Variants in CCSER1 observed in about 807,000 individuals in gnomAD.
The protein encoded by CCSER1 is coiled-coil serine rich protein 1, also known as serine-rich coiled-coil domain-containing protein 1.
In CCSER1, 41 loss-of-function variants were observed where a neutral mutation model predicts 82.0. That is an observed-to-expected ratio of 0.50 (90% CI 0.39 to 0.65). The LOEUF (loss-of-function observed/expected upper bound fraction) is 0.65. Ranked by LOEUF, CCSER1 falls within the 30% of genes least tolerant of loss-of-function variation. CCSER1 has a pLI of 0.00. For synonymous variants in CCSER1, 414 were observed against 383.9 expected, an observed-to-expected ratio of 1.08 and a Z score of -0.92; for missense variants, 1,119 against 1,064.2, an observed-to-expected ratio of 1.05 and a Z score of -0.72.
At chr4:90,845,588 A>G (rs1427795348) in intron 8 of CCSER1, among the ~76,000 whole-genome samples, 2 of 152,138 alleles carry the variant, frequency 1.3e-5, no homozygotes, top group Non-Finnish European at 2.9e-5. Flanking sequence ...TGCATATGAC[A>G]GAGGAACTGT....
intron 3 of CCSER1, among the ~76,000 whole-genome samples, chr4:90,335,597 A>G (rs868393346): frequency 1.3e-5 from 2 of 152,180 alleles, no homozygotes; most frequent in Non-Finnish European, 2.9e-5. Flanking sequence ...ATGAAAGCAA[A>G]TATTTGTTCC....
At chr4:90,497,641 T>C (rs906025261) in intron 5 of CCSER1, among the ~76,000 whole-genome samples, 3 of 152,144 alleles carry the variant, frequency 2.0e-5, no homozygotes, top group Non-Finnish European at 4.4e-5. Flanking sequence ...GATAATAACC[T>C]AGAAATTGAA....
intron 5 of CCSER1, among the ~76,000 whole-genome samples, chr4:90,582,392 G>A (rs117806512): frequency 1.3e-5 from 2 of 152,150 alleles, no homozygotes; most frequent in East Asian, 1.9e-4. Flanking sequence ...ATATTAGTTA[G>A]GAACTCTTTA....
At chr4:90,278,817 CCT>C (rs1302586770) in intron 1 of CCSER1, among the ~76,000 whole-genome samples, 3 of 152,092 alleles carry the variant, frequency 2.0e-5, no homozygotes, top group East Asian at 1.9e-4. Context: ...ACATATACCC[CCT>C]GATTCTAAAA....
At chr4:90,248,936 A>G (rs1367370923) in intron 1 of CCSER1, among the ~76,000 whole-genome samples, 1 of 151,942 alleles carries the variant, frequency 6.6e-6, no homozygotes, top group Non-Finnish European at 1.5e-5. Flanking sequence ...CTAATCTCAG[A>G]CGATCCGCCT....
chr4:91,505,799 T>C (rs770195887), intron 10 of CCSER1, among the ~76,000 whole-genome samples: 8 of 152,262 alleles, frequency 5.3e-5, no homozygotes, highest in Middle Eastern at 3.4e-3. Flanking sequence ...ATTTGTTTTG[T>C]TTCTTGTAAA....
At chr4:90,970,428 C>T (rs1476457995) in intron 9 of CCSER1, among the ~76,000 whole-genome samples, 1 of 151,764 alleles carries the variant, frequency 6.6e-6, no homozygotes, top group Non-Finnish European at 1.5e-5. Flanking sequence ...ATATATGCAT[C>T]TAACATACAG....
intron 10 of CCSER1, among the ~76,000 whole-genome samples, chr4:91,555,606 C>CTAGA: frequency 6.6e-6 from 1 of 150,684 alleles, no homozygotes; most frequent in African/African-American, 2.4e-5. Flanking sequence ...AATACATACA[C>CTAGA]TAGATACAAA....
chr4:90,286,731 G>A (rs1193828672), intron 1 of CCSER1, among the ~76,000 whole-genome samples: 1 of 151,854 alleles, frequency 6.6e-6, no homozygotes, highest in African/African-American at 2.4e-5. Context: ...TTTCCTTTAT[G>A]CCTAATGCAG....
intron 10 of CCSER1, among the ~76,000 whole-genome samples, chr4:91,184,826 A>G (rs58001376): frequency 1.4e-3 from 214 of 152,160 alleles, no homozygotes; most frequent in African/African-American, 4.9e-3. Flanking sequence ...CATGCATTGT[A>G]TGTTGATTTT....
In CCSER1 at chr4:91,205,576, C is replaced by A. The variant is rs145761930; in HGVS notation, c.2217+119582C>A. Among the ~76,000 whole-genome samples, 584 of 151,596 alleles carry A rather than the reference C, an allele frequency of 3.9e-3. 10 individuals are homozygous for A. The highest frequency in any genetic ancestry group is 0.024 in the South Asian group (116 of 4,808). Reference sequence around the variant, plus strand: ...TTCTTAAATTTTCACTAATACTTTTCCTTTACCAAAATCTATACCTTGACT... The same window carrying A: ...TTCTTAAATTTTCACTAATACTTTTACTTTACCAAAATCTATACCTTGACT... On this transcript the variant is annotated intron_variant, in intron 10 of 10. Transcript: ENST00000509176.
chr4:90,631,096 C>T (rs1397581236), intron 6 of CCSER1, among the ~76,000 whole-genome samples: 2 of 151,734 alleles, frequency 1.3e-5, no homozygotes, highest in African/African-American at 2.4e-5. Context: ...GGTTTCACTG[C>T]GTTGGCCAGG....
At chr4:90,983,891 T>C (rs1452334671) in intron 9 of CCSER1, among the ~76,000 whole-genome samples, 6 of 151,802 alleles carry the variant, frequency 4.0e-5, no homozygotes, top group Admixed American at 3.9e-4. Context: ...AATCACACAC[T>C]GTTTATACGA....
At chr4:90,555,478 G>T (rs1359297845) in intron 5 of CCSER1, among the ~76,000 whole-genome samples, 1 of 152,088 alleles carries the variant, frequency 6.6e-6, no homozygotes, top group East Asian at 1.9e-4. Context: ...ATTTTGACCA[G>T]CAGTTTTTGC....
Position 90,309,109 on chromosome 4 carries a change from T to TA in CCSER1, c.829dup (p.Ser277LysfsTer9). ...CTGTGTCTGAAATGGATGCATTTTCTAAAAGTGGAAGCATGGCATCCCACT... is the reference window on the plus strand; with the variant it reads ...CTGTGTCTGAAATGGATGCATTTTCTAAAAAGTGGAAGCATGGCATCCCACT... On this transcript the variant is annotated frameshift_variant, in exon 2 of 11. Transcript: ENST00000509176. LOFTEE classifies it high-confidence loss of function. The TA allele has an allele frequency of 6.2e-7, 1 of 1,613,936 alleles. No homozygotes were observed. Among genetic ancestry groups the TA allele is most frequent in the Non-Finnish European group, 8.5e-7 (1 of 1,179,844 alleles).
At chr4:90,639,121 C>T (rs1214023728) in intron 6 of CCSER1, among the ~76,000 whole-genome samples, 6 of 151,530 alleles carry the variant, frequency 4.0e-5, no homozygotes, top group Admixed American at 1.3e-4. Flanking sequence ...TGTCAAGCCA[C>T]GTGTGAAATA....
intron 1 of CCSER1, among the ~76,000 whole-genome samples, chr4:90,157,279 C>T (rs1340704056): frequency 4.6e-5 from 7 of 152,112 alleles, no homozygotes; most frequent in Non-Finnish European, 8.8e-5. Context: ...GTGAGTAACC[C>T]GACCTTTCTC....
rs1210895509 is a variant in CCSER1 at position 90,822,964 on chromosome 4, C to T, written c.2094+7119C>T. Among the ~76,000 whole-genome samples the T allele has an allele frequency of 2.7e-5, 4 of 149,400 alleles. No individual in the cohort carries two copies. The East Asian group carries it at 5.8e-4, about 22-fold the overall frequency. On this transcript the variant is annotated intron_variant, in intron 8 of 10. Transcript: ENST00000509176. ...ATTACAACAACTATACTTTTCAATGCTAGTGAAATTTAAGTTACCTCTGTT... is the reference window on the plus strand; with the variant it reads ...ATTACAACAACTATACTTTTCAATGTTAGTGAAATTTAAGTTACCTCTGTT...
intron 10 of CCSER1, among the ~76,000 whole-genome samples, chr4:91,405,549 C>T (rs1284572458): frequency 1.3e-5 from 2 of 152,168 alleles, no homozygotes; most frequent in African/African-American, 4.8e-5. Context: ...AAAATTTTTA[C>T]AATCTACCTA....
Sources: gnomAD v4.1 joint callset for allele counts (sites outside exome capture counted in the v4.1 genomes callset) on GRCh38, gnomAD v4.1.1 for gene constraint, MANE v1.5 for transcripts, NCBI Gene and HGNC (gene_info 2026-07-23, HGNC 2026-07-21) for gene names.